Variants in ELP4 observed in about 807,000 individuals in gnomAD.
ELP4 encodes the protein elongator acetyltransferase complex subunit 4.
ELP4 carries 51 observed loss-of-function variants against 48.9 expected under a neutral mutation model. The observed-to-expected ratio is 1.04, with a 90% CI of 0.83 to 1.32. The LOEUF (loss-of-function observed/expected upper bound fraction) is 1.32. ELP4 is among the 40% of genes most tolerant of loss of function. The pLI, the probability that ELP4 is intolerant of heterozygous loss-of-function variation, is 0.00. For synonymous variants in ELP4, 210 were observed against 189.2 expected (o/e 1.11, Z -0.90); for missense variants, 519 against 514.6 (o/e 1.01, Z -0.08).
Position 31,524,188 on chromosome 11 carries a change from A to G in ELP4, c.259+4097A>G, listed in dbSNP as rs539127786. ...ACAAATTTTACAGTTTATAAACAAC[A>G]TAGATTTATTTATCTCATAGTTTCT... is the stretch of plus-strand genomic sequence containing the variant. On this transcript the variant is annotated intron_variant, in intron 2 of 9. Transcript: ENST00000640961. Among the ~76,000 whole-genome samples the G allele has an allele frequency of 5.9e-5, 9 of 152,326 alleles. No individual in the cohort carries two copies. In the East Asian group the frequency reaches 1.7e-3, roughly 29 times the overall value.
intron 2 of ELP4, among the ~76,000 whole-genome samples, chr11:31,524,463 TAGGTTTTCATAAC>T (rs1956265838): frequency 6.6e-6 from 1 of 152,198 alleles, no homozygotes; most frequent in African/African-American, 2.4e-5. Context: ...CAAAATGTTA[TAGGTTTTCATAAC>T]AGAAATGACA....
intron 3 of ELP4, among the ~76,000 whole-genome samples, chr11:31,547,370 A>G (rs1956749471): frequency 6.6e-6 from 1 of 152,210 alleles, no homozygotes; most frequent in Non-Finnish European, 1.5e-5. Flanking sequence ...CTACGCAAAT[A>G]AACTAGAAAA....
At chr11:31,568,077 C>G (rs1367600830) in intron 3 of ELP4, among the ~76,000 whole-genome samples, 1 of 152,148 alleles carries the variant, frequency 6.6e-6, no homozygotes, top group Non-Finnish European at 1.5e-5. Context: ...TGCCGAAAAG[C>G]TCCTTAAACT....
intron 9 of ELP4, among the ~76,000 whole-genome samples, chr11:31,679,293 T>TA (rs1289044776): frequency 1.3e-5 from 2 of 152,214 alleles, no homozygotes; most frequent in African/African-American, 4.8e-5. Context: ...CATGTCTTGA[T>TA]TATGGTAGCT....
At chr11:31,668,088 A>G (rs1345905067) in intron 9 of ELP4, among the ~76,000 whole-genome samples, 2 of 152,204 alleles carry the variant, frequency 1.3e-5, no homozygotes, top group South Asian at 2.1e-4. Context: ...TAATTATTGA[A>G]TAGAGATTAT....
At chr11:31,628,646 A>G (rs1565086715) in intron 6 of ELP4, among the ~76,000 whole-genome samples, 1 of 152,114 alleles carries the variant, frequency 6.6e-6, no homozygotes, top group Non-Finnish European at 1.5e-5. Context: ...GAGATTCTAT[A>G]ATTAATGACT....
intron 5 of ELP4, among the ~76,000 whole-genome samples, chr11:31,625,480 C>A (rs1363915385): frequency 6.6e-6 from 1 of 151,658 alleles, no homozygotes; most frequent in Non-Finnish European, 1.5e-5. Flanking sequence ...AACCTTCAAA[C>A]AGAAATCTTG....
intron 3 of ELP4, among the ~76,000 whole-genome samples, chr11:31,591,272 G>C (rs1214728158): frequency 6.6e-6 from 1 of 151,822 alleles, no homozygotes; most frequent in Non-Finnish European, 1.5e-5. Flanking sequence ...CAGGCGTGGT[G>C]GTGGGTGCCT....
chr11:31,678,143 T>C (rs1945971427), intron 9 of ELP4, among the ~76,000 whole-genome samples: 1 of 152,194 alleles, frequency 6.6e-6, no homozygotes, highest in South Asian at 2.1e-4. Context: ...TTGGCTTTTT[T>C]CCCTTAGCAA....
chr11:31,725,992 A>G (rs1947068883), intron 9 of ELP4, among the ~76,000 whole-genome samples: 1 of 152,240 alleles, frequency 6.6e-6, no homozygotes, highest in Admixed American at 6.5e-5. Context: ...ACCTTTTCAG[A>G]AAAGGCTAAG....
chr11:31,764,560 A>G (rs1002052816), intron 9 of ELP4, among the ~76,000 whole-genome samples: 1 of 152,216 alleles, frequency 6.6e-6, no homozygotes, highest in African/African-American at 2.4e-5. Flanking sequence ...GCGGCCATCA[A>G]GGCCGCACAG....
At chr11:31,628,434 A>AACAC (rs780410725) in intron 6 of ELP4, 2 of 50,246 alleles carry the variant, frequency 4.0e-5, no homozygotes, top group Non-Finnish European at 7.9e-5. Context: ...TAGCAAAAGG[A>AACAC]ATACACACAC....
intron 3 of ELP4, among the ~76,000 whole-genome samples, chr11:31,546,505 A>G (rs1956720794): frequency 1.3e-5 from 2 of 152,156 alleles, no homozygotes; most frequent in African/African-American, 4.8e-5. Flanking sequence ...GTGACCTACA[A>G]AGAGACTTAG....
chr11:31,705,802 T>A (rs1946618433), intron 9 of ELP4, among the ~76,000 whole-genome samples: 1 of 152,144 alleles, frequency 6.6e-6, no homozygotes, highest in Non-Finnish European at 1.5e-5. Context: ...CATGGTAAAT[T>A]TTCAGACTGA....
chr11:31,680,308 G>C (rs1946028736), intron 9 of ELP4, among the ~76,000 whole-genome samples: 1 of 152,152 alleles, frequency 6.6e-6, no homozygotes, highest in Non-Finnish European at 1.5e-5. Flanking sequence ...TTATTATACA[G>C]AAGGAATTGA....
chr11:31,694,884 T>C (rs1054558413), intron 9 of ELP4, among the ~76,000 whole-genome samples: 4 of 152,204 alleles, frequency 2.6e-5, no homozygotes, highest in African/African-American at 9.6e-5. Context: ...ACATCCCTTG[T>C]AAGTTGGATT....
At chr11:31,645,041 G>A (rs1011650412) in intron 7 of ELP4, among the ~76,000 whole-genome samples, 1 of 151,736 alleles carries the variant, frequency 6.6e-6, no homozygotes, top group Non-Finnish European at 1.5e-5. Context: ...TAAATGTGCA[G>A]AAAGCAGTAA....
chr11:31,771,848 G>A (rs531124966), intron 9 of ELP4, among the ~76,000 whole-genome samples: 18 of 151,996 alleles, frequency 1.2e-4, no homozygotes, highest in Non-Finnish European at 2.2e-4. Context: ...GCGTGGTGGC[G>A]GCAGGCACCT....
intron 3 of ELP4, among the ~76,000 whole-genome samples, chr11:31,579,720 G>T (rs956168016): frequency 6.7e-6 from 1 of 149,426 alleles, no homozygotes; most frequent in Non-Finnish European, 1.5e-5. Context: ...TCACTCATAG[G>T]TGGGAATTGA....
Sources: gnomAD v4.1 joint callset for allele counts (sites outside exome capture counted in the v4.1 genomes callset) on GRCh38, gnomAD v4.1.1 for gene constraint, MANE v1.5 for transcripts, NCBI Gene and HGNC (gene_info 2026-07-23, HGNC 2026-07-21) for gene names.